TAFA2: variants seen among roughly 807,000 people sequenced by gnomAD.
TAFA2 encodes chemokine-like protein TAFA-2.
Under a neutral mutation model 18.8 loss-of-function variants are expected in TAFA2, and 7 were observed. The observed-to-expected ratio is 0.37, with a 90% CI of 0.21 to 0.70. The LOEUF (loss-of-function observed/expected upper bound fraction) is 0.70, where lower values mean the gene tolerates loss of function less well. TAFA2 is among the 30% of genes least tolerant of loss of function. TAFA2 has a pLI of 0.53. For missense variants in TAFA2, 122 were observed against 158.1 expected (o/e 0.77, Z 1.23); for synonymous variants, 60 against 54.2 (o/e 1.11, Z -0.47).
chr12:61,734,129 C>T (rs1044422442), intron 4 of TAFA2, among the ~76,000 whole-genome samples: 7 of 150,712 alleles, frequency 4.6e-5, no homozygotes, highest in African/African-American at 1.5e-4. Context: ...ATTTTGTATC[C>T]TGAGACTTTG....
intron 2 of TAFA2, among the ~76,000 whole-genome samples, chr12:61,795,098 G>A (rs1296999530): frequency 6.6e-6 from 1 of 152,170 alleles, no homozygotes; most frequent in Non-Finnish European, 1.5e-5. Flanking sequence ...TGGAGAGGAT[G>A]TGGAGAAATA....
intron 1 of TAFA2, among the ~76,000 whole-genome samples, chr12:62,092,534 G>C (rs1172615572): frequency 2.0e-5 from 3 of 151,896 alleles, no homozygotes; most frequent in Admixed American, 2.0e-4. Context: ...TCTTTGAAAT[G>C]TCATCCTCAT....
chr12:62,170,781 A>G (rs566672553), intron 1 of TAFA2, among the ~76,000 whole-genome samples: 1 of 151,208 alleles, frequency 6.6e-6, no homozygotes, highest in African/African-American at 2.4e-5. Context: ...CCTCCTTCCC[A>G]CCCTCCATCC....
intron 1 of TAFA2, among the ~76,000 whole-genome samples, chr12:61,908,825 T>C (rs1166630225): frequency 6.6e-6 from 1 of 152,182 alleles, no homozygotes; most frequent in African/African-American, 2.4e-5. Context: ...GAGAACTATA[T>C]AATATGCCAT....
At chr12:61,738,248 T>C (rs888817773) in intron 4 of TAFA2, among the ~76,000 whole-genome samples, 7 of 146,778 alleles carry the variant, frequency 4.8e-5, no homozygotes, top group South Asian at 2.2e-4. Flanking sequence ...CATCTAAAAT[T>C]GCAACAGGCA....
At chr12:62,206,348 C>T (rs983572510) in intron 1 of TAFA2, among the ~76,000 whole-genome samples, 3 of 152,196 alleles carry the variant, frequency 2.0e-5, no homozygotes, top group Non-Finnish European at 4.4e-5. Context: ...AATGTAATCT[C>T]TCCAACAGCA....
At chr12:62,185,351 G>A (rs545445859) in intron 1 of TAFA2, among the ~76,000 whole-genome samples, 2 of 152,212 alleles carry the variant, frequency 1.3e-5, no homozygotes, top group South Asian at 2.1e-4. Flanking sequence ...AATGTGGATC[G>A]TCTACCTCTT....
intron 1 of TAFA2, among the ~76,000 whole-genome samples, chr12:61,970,010 A>C (rs1479175738): frequency 6.6e-6 from 1 of 151,676 alleles, no homozygotes; most frequent in Non-Finnish European, 1.5e-5. Flanking sequence ...TGACAGTCAT[A>C]ATAAGAGGCC....
At chr12:62,255,207 T>C (rs918065928) in intron 1 of TAFA2, 3 of 152,228 alleles carry the variant, frequency 2.0e-5, no homozygotes, top group Non-Finnish European at 2.9e-5. Context: ...TTGAAATGAT[T>C]TTTAGCTTTC....
rs886859821 is a variant in TAFA2 at position 62,187,227 on chromosome 12, A to AT, written c.-2+4031dup. On this transcript the variant is annotated intron_variant, in intron 1 of 4. Transcript: ENST00000416284. ...TGTCTCCGCATTGAGGACAAAAATG[A>AT]TTTTTTTTGCATTTGTAGCCTAGTA... is the stretch of plus-strand genomic sequence containing the variant. Among the ~76,000 whole-genome samples, 21 of 152,006 alleles carry AT rather than the reference A, an allele frequency of 1.4e-4. No homozygotes were observed. The East Asian group carries it at 1.5e-3, about 11-fold the overall frequency.
At chr12:61,718,232 C>G (rs925855143) in intron 4 of TAFA2, among the ~76,000 whole-genome samples, 1 of 152,152 alleles carries the variant, frequency 6.6e-6, no homozygotes, top group Non-Finnish European at 1.5e-5. Context: ...TACAGTGTGC[C>G]TGCCATGAAC....
At chr12:61,909,623 G>A (rs763757941) in intron 1 of TAFA2, among the ~76,000 whole-genome samples, 1 of 152,164 alleles carries the variant, frequency 6.6e-6, no homozygotes, top group Non-Finnish European at 1.5e-5. Context: ...CATGTGGGAA[G>A]GAACTAACTG....
intron 1 of TAFA2, among the ~76,000 whole-genome samples, chr12:62,218,393 C>T (rs145857927): frequency 6.6e-6 from 1 of 152,240 alleles, no homozygotes; most frequent in African/African-American, 2.4e-5. Context: ...AACACATCCC[C>T]TATTACTTGA....
intron 1 of TAFA2, among the ~76,000 whole-genome samples, chr12:61,894,346 G>T (rs1318074426): frequency 2.0e-5 from 3 of 152,124 alleles, no homozygotes; most frequent in South Asian, 4.1e-4. Context: ...AGAAACAAAG[G>T]TCAGTTGCTG....
At chr12:62,069,440 G>A (rs1262162709) in intron 1 of TAFA2, among the ~76,000 whole-genome samples, 1 of 152,092 alleles carries the variant, frequency 6.6e-6, no homozygotes, top group Non-Finnish European at 1.5e-5. Context: ...CAGCTTTCTA[G>A]GGCTTAAGGT....
At chr12:61,959,576 T>C (rs1878812669) in intron 1 of TAFA2, among the ~76,000 whole-genome samples, 1 of 152,076 alleles carries the variant, frequency 6.6e-6, no homozygotes, top group Non-Finnish European at 1.5e-5. Context: ...CTTAGATATA[T>C]GCTTTGTTGA....
At chr12:62,190,936 C>T (rs1356737144) in intron 1 of TAFA2, among the ~76,000 whole-genome samples, 1 of 152,096 alleles carries the variant, frequency 6.6e-6, no homozygotes, top group Non-Finnish European at 1.5e-5. Context: ...CTTCAATCCT[C>T]GACCTGGTCG....
Position 61,881,357 on chromosome 12 carries a change from A to G in TAFA2, c.-1-13931T>C, listed in dbSNP as rs919826736. ...GTACAGCCTACTACACACCTAGGCT[A>G]TTTAGGATAATCTATTGCTCCTAGG... On this transcript the variant is annotated intron_variant, in intron 1 of 4. Coordinates refer to ENST00000416284, the MANE Select transcript of TAFA2 (RefSeq NM_178539.5). Among the ~76,000 whole-genome samples, 3 of 152,292 alleles carry G rather than the reference A, an allele frequency of 2.0e-5. No homozygotes were observed. In the South Asian group the frequency reaches 6.2e-4, roughly 32 times the overall value.
At chr12:61,808,413 C>A (rs1871717637) in intron 2 of TAFA2, among the ~76,000 whole-genome samples, 1 of 151,418 alleles carries the variant, frequency 6.6e-6, no homozygotes, top group Non-Finnish European at 1.5e-5. Context: ...ATGTCTTTAT[C>A]AGCAGCATGA....
Sources: gnomAD v4.1 joint callset for allele counts (sites outside exome capture counted in the v4.1 genomes callset) on GRCh38, gnomAD v4.1.1 for gene constraint, MANE v1.5 for transcripts, NCBI Gene and HGNC (gene_info 2026-07-23, HGNC 2026-07-21) for gene names.